Variants in CNTNAP2 observed in about 807,000 individuals in gnomAD.
The protein encoded by CNTNAP2 is contactin-associated protein-like 2.
In CNTNAP2, 98 loss-of-function variants were observed where a neutral mutation model predicts 155.2. That is an observed-to-expected ratio of 0.63 (90% CI 0.54 to 0.75). CNTNAP2 has a LOEUF of 0.75. CNTNAP2 is among the 30% of genes least tolerant of loss of function. CNTNAP2 has a pLI of 0.00. For missense variants in CNTNAP2, 1,727 were observed against 1,688.1 expected (o/e 1.02, Z -0.40); for synonymous variants, 651 against 631.2 (o/e 1.03, Z -0.47).
At chr7:147,034,374 T>TCC (rs1229000053) in intron 3 of CNTNAP2, among the ~76,000 whole-genome samples, 2 of 152,152 alleles carry the variant, frequency 1.3e-5, no homozygotes, top group Non-Finnish European at 2.9e-5. Context: ...TCTTCAGTGC[T>TCC]CCCCTGCTCA....
chr7:147,828,983 T>C (rs1021945645), intron 13 of CNTNAP2, among the ~76,000 whole-genome samples: 9 of 152,170 alleles, frequency 5.9e-5, no homozygotes, highest in Non-Finnish European at 1.3e-4. Context: ...TTCCTTGTTT[T>C]TTCTAATACA....
chr7:148,254,630 G>T (rs1796428626), intron 20 of CNTNAP2, among the ~76,000 whole-genome samples: 1 of 151,950 alleles, frequency 6.6e-6, no homozygotes, highest in South Asian at 2.1e-4. Context: ...CAAAAAATTA[G>T]CCAGGCTTGG....
At chr7:147,927,110 C>T (rs138684182) in intron 14 of CNTNAP2, among the ~76,000 whole-genome samples, 27 of 152,196 alleles carry the variant, frequency 1.8e-4, no homozygotes, top group African/African-American at 6.3e-4. Context: ...AGAAGAAACT[C>T]CTTCAAAGAT....
At chr7:147,140,983 G>A (rs1352211025) in intron 8 of CNTNAP2, among the ~76,000 whole-genome samples, 1 of 152,084 alleles carries the variant, frequency 6.6e-6, no homozygotes, top group Admixed American at 6.6e-5. Context: ...AGATTATGAT[G>A]ACAACTGTGA....
intron 21 of CNTNAP2, among the ~76,000 whole-genome samples, chr7:148,359,689 T>C (rs186147831): frequency 2.5e-4 from 38 of 152,294 alleles, no homozygotes; most frequent in Non-Finnish European, 4.6e-4. Flanking sequence ...TTCAGGAAAT[T>C]TTTTTAATTG....
chr7:148,318,275 C>CT (rs1554417269), intron 21 of CNTNAP2, among the ~76,000 whole-genome samples: 8 of 152,126 alleles, frequency 5.3e-5, no homozygotes, highest in Admixed American at 5.2e-4. Flanking sequence ...AGAAGTCACC[C>CT]GGCTGTCGCC....
chr7:148,359,416 CAT>C (rs1284418125), intron 21 of CNTNAP2, among the ~76,000 whole-genome samples: 1 of 152,194 alleles, frequency 6.6e-6, no homozygotes, highest in Non-Finnish European at 1.5e-5. Flanking sequence ...AATTTGAAGA[CAT>C]TGTTTTGCCT....
intron 21 of CNTNAP2, among the ~76,000 whole-genome samples, chr7:148,330,468 TGGATGAAGTGGAC>T (rs1373404904): frequency 8.3e-5 from 12 of 144,280 alleles, no homozygotes; most frequent in African/African-American, 3.2e-4. Context: ...ATGGAGTGGA[TGGATGAAGTGGAC>T]GGATGGAGTG....
At chr7:147,692,440 T>C (rs1796100913) in intron 13 of CNTNAP2, among the ~76,000 whole-genome samples, 1 of 152,100 alleles carries the variant, frequency 6.6e-6, no homozygotes, top group South Asian at 2.1e-4. Context: ...AAAACTATCT[T>C]CCAAAGTGGC....
chr7:146,738,531 T>C (rs536985028), intron 1 of CNTNAP2, among the ~76,000 whole-genome samples: 1 of 152,034 alleles, frequency 6.6e-6, no homozygotes, highest in Non-Finnish European at 1.5e-5. Context: ...TTCCCATTTG[T>C]ATATTTTTAC....
chr7:146,798,996 A>G (rs948473118), intron 2 of CNTNAP2, among the ~76,000 whole-genome samples: 3 of 152,168 alleles, frequency 2.0e-5, no homozygotes, highest in African/African-American at 7.2e-5. Flanking sequence ...CCTCTTTCAT[A>G]CAAACTAATC....
chr7:147,169,319 C>T (rs868415738), intron 8 of CNTNAP2, among the ~76,000 whole-genome samples: 2 of 152,076 alleles, frequency 1.3e-5, no homozygotes, highest in Admixed American at 6.5e-5. Flanking sequence ...GGTACAAGCA[C>T]AGGTTTGTTA....
At chr7:148,058,696 T>C (rs1803070355) in intron 15 of CNTNAP2, among the ~76,000 whole-genome samples, 1 of 152,176 alleles carries the variant, frequency 6.6e-6, no homozygotes, top group Non-Finnish European at 1.5e-5. Flanking sequence ...GTTTGGCTTT[T>C]GGTGCAGATA....
chr7:148,266,652 T>A (rs753990063), intron 20 of CNTNAP2, among the ~76,000 whole-genome samples: 3 of 152,172 alleles, frequency 2.0e-5, no homozygotes, highest in African/African-American at 4.8e-5. Context: ...AAATAAAATG[T>A]TTCCGCAAAA....
chr7:147,527,415 T>C (rs1461416797), intron 11 of CNTNAP2, among the ~76,000 whole-genome samples: 1 of 152,296 alleles, frequency 6.6e-6, no homozygotes, highest in East Asian at 1.9e-4. Flanking sequence ...AGTGAAAAGC[T>C]GCAAAATTGG....
At chr7:147,842,351 T>G (rs555825068) in intron 13 of CNTNAP2, among the ~76,000 whole-genome samples, 1 of 152,216 alleles carries the variant, frequency 6.6e-6, no homozygotes, top group African/African-American at 2.4e-5. Context: ...ATTCATAAGA[T>G]AGTACAGCCA....
At chr7:146,363,551 G>T (rs1210096804) in intron 1 of CNTNAP2, among the ~76,000 whole-genome samples, 1 of 152,198 alleles carries the variant, frequency 6.6e-6, no homozygotes, top group African/African-American at 2.4e-5. Flanking sequence ...CCAGTAATAA[G>T]AGGAAACTCA....
chr7:147,869,668 C>T (rs75389472), intron 13 of CNTNAP2, among the ~76,000 whole-genome samples: 4,980 of 152,218 alleles, frequency 0.033, 135 homozygotes, highest in Non-Finnish European at 0.052. Context: ...ACTCTTGATC[C>T]GGAGGGATGT....
At chr7:147,996,488 C>T (rs1801806963) in intron 15 of CNTNAP2, among the ~76,000 whole-genome samples, 2 of 152,194 alleles carry the variant, frequency 1.3e-5, no homozygotes, top group African/African-American at 2.4e-5. Context: ...CTCCATTTAT[C>T]AGCAGTGTGA....
Sources: allele counts gnomAD v4.1 joint callset (sites outside exome capture counted in the v4.1 genomes callset), GRCh38; gene constraint gnomAD v4.1.1; transcripts MANE v1.5; gene names NCBI Gene and HGNC (gene_info 2026-07-23, HGNC 2026-07-21).